The following CPS1 variants were observed in gnomAD, a reference collection of about 807,000 sequenced individuals.
CPS1 encodes the protein carbamoyl-phosphate synthase 1.
In CPS1, 109 loss-of-function variants were observed where a neutral mutation model predicts 174.6. The observed-to-expected ratio is 0.62, with a 90% confidence interval of 0.53 to 0.73. The LOEUF is 0.73. Ranked by LOEUF, CPS1 falls within the 30% of genes least tolerant of loss-of-function variation. The pLI is 0.00. For missense variants in CPS1, 1,689 were observed against 1,821.9 expected (o/e 0.93, Z 1.33); for synonymous variants, 637 against 632.0 (o/e 1.01, Z -0.12).
chr2:210,627,713 C>T (rs752273383), intron 21 of CPS1, among the ~76,000 whole-genome samples: 1 of 152,186 alleles, frequency 6.6e-6, no homozygotes, highest in Non-Finnish European at 1.5e-5. Flanking sequence ...TGGTGGCCCT[C>T]ACCACCTCAA....
At chr2:210,536,573 G>A (rs1296211027) in intron 1 of CPS1, among the ~76,000 whole-genome samples, 3 of 152,014 alleles carry the variant, frequency 2.0e-5, no homozygotes, top group African/African-American at 7.2e-5. Flanking sequence ...TGATCCGCCC[G>A]CCTCGGCCTC....
intron 13 of CPS1, among the ~76,000 whole-genome samples, chr2:210,596,930 T>C (rs1037470616): frequency 1.3e-5 from 2 of 151,840 alleles, no homozygotes; most frequent in African/African-American, 4.8e-5. Flanking sequence ...GGTGGATTTT[T>C]AAACTAAAAA....
chr2:210,584,156 C>T lies in CPS1; in HGVS notation c.621+1447C>T, dbSNP rs183743385. On this transcript the variant is annotated intron_variant, in intron 6 of 37. Transcript: ENST00000233072. ...TGCTACCTTCTGTTTTTACTACATA[C>T]AATGGGAGTTAAAAATAGAGCTTCT... is the stretch of plus-strand genomic sequence containing the variant. Among the ~76,000 whole-genome samples the T allele has an allele frequency of 6.3e-4, 96 of 152,150 alleles. 1 individual carries two copies. The highest frequency in any genetic ancestry group is 2.2e-3 in the African/African-American group (90 of 41,538).
chr2:210,558,428 A>T (rs1437691358), intron 1 of CPS1, among the ~76,000 whole-genome samples: 3 of 152,104 alleles, frequency 2.0e-5, no homozygotes, highest in Non-Finnish European at 2.9e-5. Context: ...CTAAACTAAC[A>T]TCAAAGACAT....
intron 1 of CPS1, among the ~76,000 whole-genome samples, chr2:210,560,207 A>G (rs1043228014): frequency 6.6e-6 from 1 of 152,078 alleles, no homozygotes; most frequent in African/African-American, 2.4e-5. Flanking sequence ...TAGACACCAT[A>G]ATAACCTATT....
intron 13 of CPS1, among the ~76,000 whole-genome samples, 192 bp downstream of exon 13, chr2:210,595,774 C>T (rs1698463036): frequency 6.6e-6 from 1 of 151,904 alleles, no homozygotes; most frequent in African/African-American, 2.4e-5. Context: ...GTAATGTGCA[C>T]ATCTGTAAAT....
chr2:210,557,206 A>G (rs1016706252), intron 1 of CPS1, among the ~76,000 whole-genome samples: 1 of 152,108 alleles, frequency 6.6e-6, no homozygotes, highest in Admixed American at 6.6e-5. Context: ...GGAGCTGCTT[A>G]TATGTGTGTG....
intron 33 of CPS1, among the ~76,000 whole-genome samples, chr2:210,666,828 A>G (rs200094635): frequency 5.3e-5 from 8 of 152,140 alleles, no homozygotes; most frequent in Non-Finnish European, 8.8e-5. Flanking sequence ...TTGGTTCCAT[A>G]TGAACTTTAA....
intron 20 of CPS1, among the ~76,000 whole-genome samples, chr2:210,613,558 ATG>A (rs144670698): frequency 2.1e-4 from 32 of 150,264 alleles, no homozygotes; most frequent in Middle Eastern, 6.8e-3. Flanking sequence ...TGACATTCAT[ATG>A]TGTGTGTGTG....
At chr2:210,589,973 C>T (rs1371217046) in intron 7 of CPS1, 133 bp from the exon 8 acceptor site, 2 of 1,251,128 alleles carry the variant, frequency 1.6e-6, no homozygotes, top group African/African-American at 1.5e-5. Flanking sequence ...TTTTGCTCAG[C>T]ATTATTTATT....
chr2:210,564,501 G>T (rs902944265), intron 1 of CPS1, among the ~76,000 whole-genome samples: 1 of 151,724 alleles, frequency 6.6e-6, no homozygotes, highest in Non-Finnish European at 1.5e-5. Context: ...TCAGCCTCCC[G>T]AGTAGCTGGG....
At chr2:210,566,498 G>A (rs899543206) in intron 1 of CPS1, among the ~76,000 whole-genome samples, 15 of 152,180 alleles carry the variant, frequency 9.9e-5, no homozygotes, top group Admixed American at 3.9e-4. Flanking sequence ...TGGGCCTGTT[G>A]TGGCTTATCC....
rs1247895541 is a variant in CPS1, at chr2:210,497,916, A to ATC, written c.3+20151_3+20152insCT. ...TACATATATATATATATATATATAT[A>ATC]TATCTCCAGTAATGCAGTCATGGGG... On this transcript the variant is annotated intron_variant, in intron 1 of 38. Coordinates refer to the CPS1 transcript ENST00000430249. 2.4e-4 allele frequency among the ~76,000 whole-genome samples: 34 copies of ATC among 140,616 alleles called. 1 individual carries two copies. Among genetic ancestry groups the ATC allele is most frequent in the African/African-American group, 9.2e-4 (34 of 36,962 alleles). 92.2% of individuals were successfully genotyped at this position (140,616 alleles called of 152,430 possible).
At chr2:210,621,862 CAA>C (rs1699541099) in intron 21 of CPS1, among the ~76,000 whole-genome samples, 1 of 151,956 alleles carries the variant, frequency 6.6e-6, no homozygotes, top group Admixed American at 6.6e-5. Flanking sequence ...ATAATAATCA[CAA>C]AAATTTTTGG....
intron 21 of CPS1, among the ~76,000 whole-genome samples, chr2:210,630,425 G>C (rs1699832146): frequency 6.6e-6 from 1 of 152,092 alleles, no homozygotes; most frequent in Admixed American, 6.5e-5. Context: ...TAGCCTTTAA[G>C]GTGAAATATA....
chr2:210,522,473 A>G (rs1695853019), intron 1 of CPS1, among the ~76,000 whole-genome samples: 1 of 151,978 alleles, frequency 6.6e-6, no homozygotes, highest in African/African-American at 2.4e-5. Flanking sequence ...AAAGGCCAAG[A>G]GAATTGCATT....
At chr2:210,676,868 T>C (rs1176031422) in intron 36 of CPS1, 139 bp from the exon 37 acceptor site, 1 of 734,952 alleles carries the variant, frequency 1.4e-6, no homozygotes, top group African/African-American at 1.7e-5. Context: ...AACATCTACT[T>C]AGCAATAGAG....
intron 1 of CPS1, among the ~76,000 whole-genome samples, chr2:210,492,041 A>G (rs547456660): frequency 1.3e-5 from 2 of 152,220 alleles, no homozygotes; most frequent in African/African-American, 4.8e-5. Context: ...AGAAGCCGAC[A>G]AAGTTGACTG....
intron 1 of CPS1, among the ~76,000 whole-genome samples, chr2:210,533,389 C>G (rs1696165345): frequency 6.6e-6 from 1 of 152,148 alleles, no homozygotes; most frequent in Non-Finnish European, 1.5e-5. Flanking sequence ...CTAGAAATCA[C>G]CCATTTAATC....
Sources: gnomAD v4.1 joint callset for allele counts (sites outside exome capture counted in the v4.1 genomes callset) on GRCh38, gnomAD v4.1.1 for gene constraint, MANE v1.5 for transcripts, NCBI Gene and HGNC (gene_info 2026-07-23, HGNC 2026-07-21) for gene names.